The following RTN4 variants were observed in gnomAD, a reference collection of about 807,000 sequenced individuals.
The protein encoded by RTN4 is reticulon-4.
In RTN4, 32 loss-of-function variants were observed where a neutral mutation model predicts 90.4. The observed-to-expected ratio is 0.35, with a 90% CI of 0.27 to 0.48. The LOEUF (loss-of-function observed/expected upper bound fraction) is 0.48. Among genes scored for constraint, RTN4 ranks in the 20% least tolerant of loss-of-function variants. The probability of loss-of-function intolerance (pLI) is 0.99; values close to 1 mark genes in which losing one functional copy is unlikely to be tolerated. For synonymous variants in RTN4, 629 were observed against 552.5 expected, an observed-to-expected ratio of 1.14 and a Z score of -1.94; for missense variants, 1,706 against 1,430.2, an observed-to-expected ratio of 1.19 and a Z score of -3.11.
At chr2:54,993,065 C>G (rs1249321341) in intron 3 of RTN4, among the ~76,000 whole-genome samples, 1 of 121,042 alleles carries the variant, frequency 8.3e-6, no homozygotes, top group Non-Finnish European at 1.6e-5. Flanking sequence ...CAGAGCGAGA[C>G]TCCATCTCGG....
At chr2:55,011,904 C>A (rs1680671404) in intron 3 of RTN4, among the ~76,000 whole-genome samples, 1 of 152,106 alleles carries the variant, frequency 6.6e-6, no homozygotes, top group South Asian at 2.1e-4. Flanking sequence ...TTCACTGAAC[C>A]CCTGCATAAT....
intron 1 of RTN4, among the ~76,000 whole-genome samples, chr2:55,095,195 G>A (rs79286746): frequency 6.6e-6 from 1 of 152,048 alleles, no homozygotes; most frequent in African/African-American, 2.4e-5. Flanking sequence ...GTAGAGGCAT[G>A]TGCCTGTAAT....
intron 1 of RTN4, chr2:55,049,466 G>A: frequency 2.1e-6 from 1 of 480,562 alleles, no homozygotes; most frequent in Non-Finnish European, 3.9e-6. Flanking sequence ...TAACTTCCGA[G>A]AATCCGTACG....
intron 3 of RTN4, among the ~76,000 whole-genome samples, chr2:55,014,242 A>G (rs1229572640): frequency 1.3e-5 from 2 of 152,162 alleles, no homozygotes; most frequent in East Asian, 3.8e-4. Flanking sequence ...ATAGCAAAAC[A>G]ACGAGCATTT....
chr2:55,061,614 ATTC>A (rs1416194087), intron 2 of RTN4, among the ~76,000 whole-genome samples: 3 of 152,186 alleles, frequency 2.0e-5, no homozygotes, highest in Non-Finnish European at 4.4e-5. Flanking sequence ...AACAGGAACA[ATTC>A]TTCTACAGAA....
intron 2 of RTN4, among the ~76,000 whole-genome samples, chr2:55,068,760 C>T (rs1668438427): frequency 6.6e-6 from 1 of 151,984 alleles, no homozygotes; most frequent in East Asian, 1.9e-4. Flanking sequence ...TTTTGTACTT[C>T]AGTATGCAGC....
the RTN4 span, among the ~76,000 whole-genome samples, chr2:55,124,873 C>A: frequency 6.6e-6 from 1 of 152,136 alleles, no homozygotes; most frequent in South Asian, 2.1e-4. Flanking sequence ...GGCACATAGA[C>A]CAACGGAACA....
intron 3 of RTN4, among the ~76,000 whole-genome samples, chr2:55,012,771 A>C (rs1359975963): frequency 6.6e-6 from 1 of 152,120 alleles, no homozygotes; most frequent in African/African-American, 2.4e-5. Flanking sequence ...GCAATAACCC[A>C]ATCTTTCTAA....
At chr2:55,101,215 G>C (rs1163433938) in intron 1 of RTN4, among the ~76,000 whole-genome samples, 1 of 151,936 alleles carries the variant, frequency 6.6e-6, no homozygotes, top group Non-Finnish European at 1.5e-5. Flanking sequence ...TTATCTCCAG[G>C]GGTGAGATTA....
intron 2 of RTN4, among the ~76,000 whole-genome samples, chr2:55,071,543 C>CAAAAAAAA (rs71410418): frequency 5.0e-5 from 5 of 99,488 alleles, no homozygotes; most frequent in Non-Finnish European, 5.9e-5. Context: ...CATTTGCCAT[C>CAAAAAAAA]AAAAAAAAAA....
Position 55,026,788 on chromosome 2 carries a change from A to T in RTN4, c.1311T>A (p.Asp437Glu). The T allele has an allele frequency of 1.2e-6, 2 of 1,613,838 alleles. No homozygotes were observed. Among genetic ancestry groups the T allele is most frequent in the African/African-American group, 1.3e-5 (1 of 74,976 alleles). The change falls in exon 3 of 9, where the codon GAT becomes GAA. Residue 437 changes from aspartate (D) to glutamate (E), a missense_variant. Coordinates refer to ENST00000337526, the MANE Select transcript of RTN4 (RefSeq NM_020532.5). ...AAGTATCATCATTACTACTCTCACT[A>T]TCTTTTTCGTGATTAGTTTGCTCAA... ...DSLEQTNHEK[D>E]SESSNDDTSF...
intron 1 of RTN4, among the ~76,000 whole-genome samples, chr2:55,082,357 A>G (rs1445212670): frequency 2.0e-5 from 3 of 152,200 alleles, no homozygotes; most frequent in South Asian, 2.1e-4. Context: ...GTAGATTCAT[A>G]TATCTCTCAA....
chr2:55,076,009 A>C (rs1483106721), intron 2 of RTN4, among the ~76,000 whole-genome samples: 1 of 152,230 alleles, frequency 6.6e-6, no homozygotes, highest in Non-Finnish European at 1.5e-5. Context: ...AAACCCTTCT[A>C]GACACTGGTT....
intron 1 of RTN4, 158 bp downstream of exon 1, chr2:55,049,586 TC>T: frequency 8.1e-7 from 1 of 1,229,016 alleles, no homozygotes; most frequent in South Asian, 1.3e-5. Context: ...CCCACCCTTC[TC>T]CCCGCGCTTC....
chr2:55,089,405 G>C lies in RTN4; in HGVS notation c.-213-8766C>G, dbSNP rs915201255. 8.5e-5 allele frequency among the ~76,000 whole-genome samples: 13 copies of C among 152,112 alleles called. 1 individual carries two copies. The highest frequency in any genetic ancestry group is 7.2e-4 in the Admixed American group (11 of 15,274). On this transcript the variant is annotated intron_variant, in intron 1 of 3. Transcript: ENST00000427710. ...AGCCTTCACTCTGGGCTAGAGCAGG[G>C]TCTCTGTTCTGGTTTGAGGCCACCC...
chr2:55,016,244 T>C (rs1681025718), intron 3 of RTN4, among the ~76,000 whole-genome samples: 1 of 152,162 alleles, frequency 6.6e-6, no homozygotes, highest in South Asian at 2.1e-4. Flanking sequence ...AAACAATATA[T>C]AGAGTATGAT....
At chr2:55,081,165 C>T (rs1192329994) in intron 1 of RTN4, among the ~76,000 whole-genome samples, 1 of 152,168 alleles carries the variant, frequency 6.6e-6, no homozygotes, top group Admixed American at 6.5e-5. Context: ...GCCTCAACCT[C>T]CTGGGCCAAG....
In RTN4 at chr2:55,050,275, AGAG is replaced by A. The variant is rs775502684; in HGVS notation, c.23_25del (p.Pro8del). 4 of 1,487,392 alleles carry A rather than the reference AGAG, an allele frequency of 2.7e-6. No individual in the cohort carries two copies. In the Admixed American group the frequency reaches 9.0e-5, roughly 33 times the overall value. 92.1% of individuals were successfully genotyped at this position (1,487,392 alleles called of 1,614,324 possible). A position where few individuals can be genotyped will look rare whatever the true frequency, so the allele number is the denominator to read the frequency against. ...GGGTGGGCTGTCCGAGGACGAGACC[AGAG>A]GAGACTGGTCCAGGTCTTCCATGGC... On this transcript the variant is annotated inframe_deletion, in exon 1 of 9. Coordinates refer to ENST00000337526, the MANE Select transcript of RTN4 (RefSeq NM_020532.5). This position sits in a 1 kb window ranked among gnomAD's most constrained non-coding sequence, Gnocchi z 4.6.
At chr2:55,080,924 C>G (rs1390977477) in intron 1 of RTN4, among the ~76,000 whole-genome samples, 1 of 152,084 alleles carries the variant, frequency 6.6e-6, no homozygotes, top group South Asian at 2.1e-4. Context: ...TTTTGAAAAC[C>G]TTTTGGACTT....
Sources: gnomAD v4.1 joint callset for allele counts (sites outside exome capture counted in the v4.1 genomes callset) on GRCh38, gnomAD v4.1.1 for gene constraint, Gnocchi (gnomAD v3.1) non-coding constraint, MANE v1.5 for transcripts, NCBI Gene and HGNC (gene_info 2026-07-23, HGNC 2026-07-21) for gene names.